ARHGEF9: variants seen among roughly 807,000 people sequenced by gnomAD.
The protein encoded by ARHGEF9 is rho guanine nucleotide exchange factor 9.
ARHGEF9 carries 2 observed loss-of-function variants against 41.3 expected under a neutral mutation model. The ratio of observed to expected loss-of-function variants is 0.05; its 90% CI spans 0.02 to 0.15. The LOEUF (loss-of-function observed/expected upper bound fraction) is 0.15, where lower values mean the gene tolerates loss of function less well. Among genes scored for constraint, ARHGEF9 ranks in the 10% least tolerant of loss-of-function variants. The pLI is 1.00. For synonymous variants in ARHGEF9, 160 were observed against 154.4 expected, an observed-to-expected ratio of 1.04 and a Z score of -0.27; for missense variants, 225 against 424.7, an observed-to-expected ratio of 0.53 and a Z score of 4.13.
intron 1 of ARHGEF9, among the ~76,000 whole-genome samples, chrX:63,774,275 C>G (rs1556456807): frequency 9.0e-6 from 1 of 111,465 alleles, no homozygotes; most frequent in African/African-American, 3.3e-5. Flanking sequence ...GTCCATCTGA[C>G]TTTTAATCAT....
chrX:63,691,481 A>C (rs1198623133), intron 4 of ARHGEF9, among the ~76,000 whole-genome samples: 19 of 111,526 alleles, frequency 1.7e-4, no homozygotes, highest in African/African-American at 4.9e-4. Flanking sequence ...AAAATTGACA[A>C]CTACACACAA....
intron 6 of ARHGEF9, among the ~76,000 whole-genome samples, chrX:63,672,888 C>T (rs1401819291): frequency 8.9e-6 from 1 of 112,025 alleles, no homozygotes; most frequent in African/African-American, 3.2e-5. Flanking sequence ...AAAAAGGACC[C>T]ACAATTTTCT....
At chrX:63,644,143 A>T in intron 8 of ARHGEF9, 95 bp from the exon 9 acceptor site, 1 of 589,908 alleles carries the variant, frequency 1.7e-6, no homozygotes, top group East Asian at 3.7e-5. Flanking sequence ...AGATTTGCTA[A>T]GACATATAAA....
intron 1 of ARHGEF9, among the ~76,000 whole-genome samples, chrX:63,737,476 G>A (rs2054685644): frequency 8.9e-6 from 1 of 112,339 alleles, no homozygotes; most frequent in South Asian, 3.7e-4. Context: ...TCAGGAGAGG[G>A]ATGGGGTGGA....
intron 9 of ARHGEF9, chrX:63,642,467 C>T (rs1347309725): frequency 2.7e-5 from 3 of 111,462 alleles, no homozygotes; most frequent in Non-Finnish European, 5.6e-5. Flanking sequence ...TTAAGGCTGG[C>T]CTCATTCCCT....
At chrX:63,759,596 A>C (rs1282864548) in intron 1 of ARHGEF9, among the ~76,000 whole-genome samples, 2 of 111,979 alleles carry the variant, frequency 1.8e-5, no homozygotes, top group African/African-American at 6.5e-5. Flanking sequence ...ACTCCATGAG[A>C]GGGTCTGGGA....
chrX:63,755,246 T>G, intron 1 of ARHGEF9: 1 of 936,701 alleles, frequency 1.1e-6, no homozygotes, highest in Non-Finnish European at 1.3e-6. Flanking sequence ...GCACGTTCGC[T>G]GCCCAGGGGC....
At chrX:63,653,004 G>C (rs1212357236) in intron 8 of ARHGEF9, among the ~76,000 whole-genome samples, 2 of 111,571 alleles carry the variant, frequency 1.8e-5, no homozygotes, top group African/African-American at 6.5e-5. Context: ...AGGCCTCCCA[G>C]TGATGCTTCC....
chrX:63,734,873 C>T (rs1286807834), intron 1 of ARHGEF9, among the ~76,000 whole-genome samples: 3 of 111,427 alleles, frequency 2.7e-5, no homozygotes, highest in Admixed American at 1.9e-4. Flanking sequence ...AAGGCAACCT[C>T]CAATATTCTA....
At chrX:63,656,694 C>T (rs781832268) in intron 7 of ARHGEF9, 4 of 110,450 alleles carry the variant, frequency 3.6e-5, no homozygotes, top group African/African-American at 9.9e-5. Context: ...TTTAAAGATA[C>T]ATATGTATGT....
rs149209717 is a variant in ARHGEF9, at chrX:63,652,295, G to T, written c.1321+3199C>A. 2.4e-3 allele frequency among the ~76,000 whole-genome samples: 270 copies of T among 111,825 alleles called. 1 individual carries two copies. The highest frequency in any genetic ancestry group is 8.4e-3 in the African/African-American group (258 of 30,864). On this transcript the variant is annotated intron_variant, in intron 8 of 9. Coordinates refer to ENST00000671741, the MANE Select transcript of ARHGEF9 (RefSeq NM_001353921.2). ...GTTCCACATCTGGATTCAATCAACT[G>T]TGGATCAAAAATATGCAGAAAAAAG...
intron 8 of ARHGEF9, among the ~76,000 whole-genome samples, chrX:63,651,641 A>T (rs1346731895): frequency 2.7e-5 from 3 of 111,289 alleles, no homozygotes; most frequent in East Asian, 5.6e-4. Flanking sequence ...TATAGTTTGG[A>T]TGGCAAGAGA....
intron 1 of ARHGEF9, chrX:63,755,060 T>C: frequency 2.1e-6 from 2 of 937,354 alleles, no homozygotes; most frequent in South Asian, 5.9e-5. Context: ...TTCGCTGGGC[T>C]CCCGGCTGCC....
chrX:63,637,249 G>A lies in ARHGEF9; in HGVS notation c.*779C>T, dbSNP rs782557226. ...GTTCCCTGAACAGAAGTCCACTCCAGCATCATCATAGTCTGATACTCCCTT... is the reference window on the plus strand; with the variant it reads ...GTTCCCTGAACAGAAGTCCACTCCAACATCATCATAGTCTGATACTCCCTT... On this transcript the variant is annotated 3_prime_UTR_variant, in exon 10 of 10. Transcript: ENST00000671741. 3.0e-5 allele frequency: 9 copies of A among 295,827 alleles called. 1 individual carries two copies. In the South Asian group the frequency reaches 1.9e-3, roughly 61 times the overall value. The allele number at this position is 295,827 out of a possible 1,213,427, so 24.4% of individuals were successfully genotyped here. A position where few individuals can be genotyped will look rare whatever the true frequency, so the allele number is the denominator to read the frequency against.
intron 1 of ARHGEF9, among the ~76,000 whole-genome samples, chrX:63,753,064 T>C (rs1487280064): frequency 8.9e-6 from 1 of 112,587 alleles, no homozygotes; most frequent in Non-Finnish European, 1.9e-5. Context: ...TTATACAGAC[T>C]GGCATGAGAC....
chrX:63,737,505 CA>C (rs782512115), intron 1 of ARHGEF9, among the ~76,000 whole-genome samples: 12 of 112,035 alleles, frequency 1.1e-4, no homozygotes, highest in Non-Finnish European at 1.9e-4. Context: ...GGTCAGAAGA[CA>C]AAACCTGAGT....
At chrX:63,755,356 G>A in intron 1 of ARHGEF9, 1 of 568,037 alleles carries the variant, frequency 1.8e-6, no homozygotes, top group Non-Finnish European at 2.4e-6. Context: ...CCAGCCACCA[G>A]TTCTGGTTTG....
chrX:63,665,673 C>T (rs1171252040), intron 7 of ARHGEF9, among the ~76,000 whole-genome samples: 1 of 112,239 alleles, frequency 8.9e-6, no homozygotes, highest in Non-Finnish European at 1.9e-5. Flanking sequence ...CAAAATGCAC[C>T]GACTTCAGAG....
rs782124624 is a variant in ARHGEF9, at chrX:63,775,700, G to T, written c.30+9416C>A. The stretch of plus-strand genomic sequence containing the variant: ...GGGTGAAGGATGTGAGGAGGGTGAG[G>T]ACTGAAAAAATACCTATTGAGTAAT... On this transcript the variant is annotated intron_variant, in intron 1 of 9. Coordinates refer to ENST00000671741, the MANE Select transcript of ARHGEF9 (RefSeq NM_001353921.2). Among the ~76,000 whole-genome samples the T allele has an allele frequency of 3.6e-5, 4 of 111,323 alleles. No homozygotes were observed. In the South Asian group the frequency reaches 1.5e-3, roughly 42 times the overall value.
Sources: gnomAD v4.1 joint callset for allele counts (sites outside exome capture counted in the v4.1 genomes callset) on GRCh38, gnomAD v4.1.1 for gene constraint, MANE v1.5 for transcripts, NCBI Gene and HGNC (gene_info 2026-07-23, HGNC 2026-07-21) for gene names.